The following CDH4 variants were observed in gnomAD, a reference collection of about 807,000 sequenced individuals.
The protein encoded by CDH4 is cadherin 4.
In CDH4, 33 loss-of-function variants were observed where a neutral mutation model predicts 86.0. The ratio of observed to expected loss-of-function variants is 0.38; its 90% CI spans 0.29 to 0.51. The LOEUF (loss-of-function observed/expected upper bound fraction) is 0.51. CDH4 is among the 20% of genes least tolerant of loss of function. The pLI is 0.86. For synonymous variants in CDH4, 555 were observed against 549.4 expected, an observed-to-expected ratio of 1.01 and a Z score of -0.14; for missense variants, 1,114 against 1,307.4, an observed-to-expected ratio of 0.85 and a Z score of 2.28.
intron 2 of CDH4, among the ~76,000 whole-genome samples, chr20:61,732,688 A>G (rs1280914456): frequency 6.6e-6 from 1 of 152,142 alleles, no homozygotes; most frequent in Non-Finnish European, 1.5e-5. Flanking sequence ...CTCATCACGC[A>G]TGGTCCCCCA....
At chr20:61,337,902 G>C (rs1023319276) in intron 2 of CDH4, among the ~76,000 whole-genome samples, 2 of 152,068 alleles carry the variant, frequency 1.3e-5, no homozygotes, top group Non-Finnish European at 2.9e-5. Context: ...TTCTGCCCTG[G>C]GGTTTTTAGT....
At chr20:61,443,177 G>C (rs146671748) in intron 2 of CDH4, among the ~76,000 whole-genome samples, 73 of 152,328 alleles carry the variant, frequency 4.8e-4, no homozygotes, top group Middle Eastern at 3.4e-3. Flanking sequence ...TACCTGGAAG[G>C]CTGGGCATAT....
At position 61,516,314 on chromosome 20, in the gene CDH4, CGTCTATTAATGCCATGGTCCCTGAGCA is replaced by C. The variant is rs1568873189; in HGVS notation, c.170-227245_170-227219del. Among the ~76,000 whole-genome samples, 1 of 152,192 alleles carries C rather than the reference CGTCTATTAATGCCATGGTCCCTGAGCA, an allele frequency of 6.6e-6. No homozygotes were observed. Among genetic ancestry groups the C allele is most frequent in the Non-Finnish European group, 1.5e-5 (1 of 68,048 alleles). ...CTCTTCCTGCTCCTTCCTTACATCC[CGTCTATTAATGCCATGGTCCCTGAGCA>C]GTCATGGGACCAACATCTGTCACAC... On this transcript the variant is annotated intron_variant, in intron 2 of 15. Transcript: ENST00000614565. The surrounding 1 kb of genome is among the most constrained non-coding windows in gnomAD (Gnocchi z 4.0).
intron 2 of CDH4, among the ~76,000 whole-genome samples, chr20:61,459,175 T>G (rs2085427956): frequency 7.1e-6 from 1 of 140,198 alleles, no homozygotes; most frequent in South Asian, 2.3e-4. Context: ...CTTTAGCTTC[T>G]TTAGGGCTTG....
intron 2 of CDH4, among the ~76,000 whole-genome samples, chr20:61,483,593 G>A (rs531075640): frequency 2.0e-5 from 3 of 152,222 alleles, no homozygotes; most frequent in Admixed American, 6.5e-5. Context: ...CCCTTGCTTC[G>A]GGGTGGCCCT....
At chr20:61,867,561 A>AAGAG (rs33910207) in intron 6 of CDH4, among the ~76,000 whole-genome samples, 539 of 142,108 alleles carry the variant, frequency 3.8e-3, no homozygotes, top group South Asian at 7.8e-3. Context: ...AAAAAAAAAA[A>AAGAG]AGAGAGAGAG....
chr20:61,912,352 G>T (rs762962644), intron 9 of CDH4, among the ~76,000 whole-genome samples: 8 of 152,188 alleles, frequency 5.3e-5, no homozygotes, highest in Admixed American at 5.2e-4. Flanking sequence ...TCCAGGATCT[G>T]TGTCTTTTCT....
At chr20:61,912,298 G>A (rs927197181) in intron 9 of CDH4, among the ~76,000 whole-genome samples, 3 of 152,142 alleles carry the variant, frequency 2.0e-5, no homozygotes, top group African/African-American at 7.2e-5. Context: ...AAGGAAGAGG[G>A]GAGCTAGATG....
intron 9 of CDH4, among the ~76,000 whole-genome samples, chr20:61,915,809 C>G (rs911621121): frequency 2.0e-5 from 3 of 152,062 alleles, no homozygotes; most frequent in Non-Finnish European, 4.4e-5. Context: ...GCACCTTGGC[C>G]GTGGGGCTGG....
At chr20:61,660,450 G>A (rs547802504) in intron 2 of CDH4, among the ~76,000 whole-genome samples, 10 of 152,308 alleles carry the variant, frequency 6.6e-5, no homozygotes, top group South Asian at 2.1e-4. Context: ...AGGTGACGCC[G>A]GGACTCGCTT....
intron 2 of CDH4, among the ~76,000 whole-genome samples, chr20:61,454,338 T>C (rs1221424399): frequency 6.6e-6 from 1 of 151,804 alleles, no homozygotes; most frequent in Non-Finnish European, 1.5e-5. Context: ...GACATGCACC[T>C]GGGGGGAAGG....
At chr20:61,889,418 G>C (rs1984692800) in intron 7 of CDH4, among the ~76,000 whole-genome samples, 1 of 148,960 alleles carries the variant, frequency 6.7e-6, no homozygotes, top group Non-Finnish European at 1.5e-5. Context: ...GTGGGTAGAT[G>C]ATGGGTGATA....
intron 2 of CDH4, among the ~76,000 whole-genome samples, chr20:61,722,106 C>G (rs556222928): frequency 6.6e-6 from 1 of 152,188 alleles, no homozygotes; most frequent in Non-Finnish European, 1.5e-5. Flanking sequence ...AACATACAGA[C>G]AAGCACGCCC....
At chr20:61,779,957 C>T (rs1293241437) in intron 4 of CDH4, among the ~76,000 whole-genome samples, 1 of 152,194 alleles carries the variant, frequency 6.6e-6, no homozygotes, top group Non-Finnish European at 1.5e-5. Context: ...ACGGAGTCCA[C>T]CTAAGCACCC....
chr20:61,296,324 CGTGTGTGT>C (rs140943090), intron 2 of CDH4, among the ~76,000 whole-genome samples: 1 of 145,548 alleles, frequency 6.9e-6, no homozygotes, highest in Non-Finnish European at 1.5e-5. Context: ...TGCATGCGTG[CGTGTGTGT>C]GTGTGTGTGA....
chr20:61,776,910 A>G (rs4925284), intron 4 of CDH4, among the ~76,000 whole-genome samples: 2 of 152,008 alleles, frequency 1.3e-5, no homozygotes, highest in South Asian at 2.1e-4. Context: ...AGGAGGGGGA[A>G]ATATGGTTGG....
At chr20:61,297,475 T>A (rs8124696) in intron 2 of CDH4, among the ~76,000 whole-genome samples, 11,736 of 152,316 alleles carry the variant, frequency 0.077, 556 homozygotes, top group Non-Finnish European at 0.098. Flanking sequence ...ATACCCTGGA[T>A]GAAGGTTTTG....
chr20:61,309,193 T>A (rs558338039), intron 2 of CDH4, among the ~76,000 whole-genome samples: 1 of 152,316 alleles, frequency 6.6e-6, no homozygotes, highest in Non-Finnish European at 1.5e-5. Context: ...TGGAGCTGGG[T>A]CCTGAGGCCA....
At chr20:61,612,836 T>C (rs1401621568) in intron 2 of CDH4, among the ~76,000 whole-genome samples, 2 of 152,094 alleles carry the variant, frequency 1.3e-5, no homozygotes, top group African/African-American at 4.8e-5. Context: ...TGGTGTGAGG[T>C]AGGGATTGCA....
Sources: gnomAD v4.1 joint callset for allele counts (sites outside exome capture counted in the v4.1 genomes callset) on GRCh38, gnomAD v4.1.1 for gene constraint, Gnocchi (gnomAD v3.1) non-coding constraint, MANE v1.5 for transcripts, NCBI Gene and HGNC (gene_info 2026-07-23, HGNC 2026-07-21) for gene names.